The following GPR155 variants were observed in gnomAD, a reference collection of about 807,000 sequenced individuals.
GPR155 encodes the protein G protein-coupled receptor 155, also known as lysosomal cholesterol signaling protein.
Under a neutral mutation model 93.1 loss-of-function variants are expected in GPR155, and 65 were observed. That is an observed-to-expected ratio of 0.70 (90% CI 0.57 to 0.86). The LOEUF (loss-of-function observed/expected upper bound fraction) is 0.86. Ranked by LOEUF, GPR155 falls within the 40% of genes least tolerant of loss-of-function variation. GPR155 has a pLI of 0.00. For synonymous variants in GPR155, 319 were observed against 360.1 expected (o/e 0.89, Z 1.29); for missense variants, 838 against 1,034.8 (o/e 0.81, Z 2.61).
At chr2:174,436,972 T>G (rs1038488060) in intron 15 of GPR155, among the ~76,000 whole-genome samples, 2 of 152,204 alleles carry the variant, frequency 1.3e-5, no homozygotes, top group Non-Finnish European at 2.9e-5. Context: ...CCTACTGATA[T>G]GTTTGTCAGA....
intron 5 of GPR155, 135 bp from the exon 6 acceptor site, chr2:174,466,762 T>A: frequency 3.5e-6 from 2 of 564,380 alleles, no homozygotes; most frequent in East Asian, 3.1e-5. Flanking sequence ...TTTTATTTAA[T>A]CTGTCTAGTT....
intron 2 of GPR155, among the ~76,000 whole-genome samples, chr2:174,479,846 T>A (rs1277345480): frequency 6.6e-6 from 1 of 152,228 alleles, no homozygotes; most frequent in Non-Finnish European, 1.5e-5. Flanking sequence ...CTTTTGAAAT[T>A]CAATAACCTT....
At position 174,475,388 on chromosome 2, in the gene GPR155, TACTC is replaced by T. The variant is rs1472264658; in HGVS notation, c.461-2028_461-2025del. On this transcript the variant is annotated intron_variant, in intron 2 of 15. Transcript: ENST00000392552. ...AGGTAGGAAAATACACTTGTTTACTTACTCAGGATATGTAAGTTCAGTTAATGTC... is the reference window on the plus strand; with the variant it reads ...AGGTAGGAAAATACACTTGTTTACTTAGGATATGTAAGTTCAGTTAATGTC... Among the ~76,000 whole-genome samples the T allele has an allele frequency of 4.6e-5, 7 of 151,914 alleles. No individual in the cohort carries two copies. In the East Asian group the frequency reaches 1.2e-3, roughly 25 times the overall value.
At chr2:174,470,641 G>A (rs1687968944) in intron 3 of GPR155, 86 bp from the exon 4 acceptor site, 9 of 1,154,078 alleles carry the variant, frequency 7.8e-6, no homozygotes, top group Non-Finnish European at 1.1e-5. Flanking sequence ...TTTGGCATCA[G>A]GTTCTCCTGC....
At position 174,481,902 on chromosome 2, in the gene GPR155, T is replaced by G. The variant is rs139805062; in HGVS notation, c.55A>C (p.Thr19Pro). ...CCATGCGTTACTGCTGTAGGCAAAG[T>G]CTTGGTCATATTGACTGCAATGGTT... ...NLTIAVNMTKTLPTAVTHGFN... is the reference protein window; with the variant it reads ...NLTIAVNMTKPLPTAVTHGFN... Residue 19 changes from threonine to proline, a missense_variant, in exon 2 of 16, where the codon ACT becomes CCT. Thr to Pro is a conservative substitution (Grantham distance 38). This residue lies in a region of GPR155 where 663 missense variants were observed against 790.1 expected (regional missense o/e 0.84). Coordinates refer to ENST00000392552, the MANE Select transcript of GPR155 (RefSeq NM_152529.7). The G allele has an allele frequency of 1.9e-4, 311 of 1,614,044 alleles. No homozygotes were observed. The highest frequency in any genetic ancestry group is 2.5e-4 in the Non-Finnish European group (300 of 1,180,018).
rs1339617353 is a variant in GPR155 at position 174,474,250 on chromosome 2, G to A, written c.461-886C>T. ...AGAGCAGAGGGATGGTCTAGCAATG[G>A]TCCACAGTAGCTGTGGGGATGCCAG... On this transcript the variant is annotated intron_variant, in intron 2 of 15. Transcript: ENST00000392552. Among the ~76,000 whole-genome samples, 6 of 152,314 alleles carry A rather than the reference G, an allele frequency of 3.9e-5. No individual in the cohort carries two copies. The South Asian group carries it at 6.2e-4, about 16-fold the overall frequency.
chr2:174,481,990 G>A lies in GPR155; in HGVS notation c.-31-3C>T. On this transcript the variant is annotated splice_region_variant and splice_polypyrimidine_tract_variant and intron_variant, in intron 1 of 15. Coordinates refer to ENST00000392552, the MANE Select transcript of GPR155 (RefSeq NM_152529.7). Reference sequence around the variant, plus strand: ...ACCCTCCAACTCCAACCAGATCTCTGGAAAGAAAGGAAGAAAGATTCAGTA... The same window carrying A: ...ACCCTCCAACTCCAACCAGATCTCTAGAAAGAAAGGAAGAAAGATTCAGTA... The A allele has an allele frequency of 7.1e-7, 1 of 1,407,870 alleles. No homozygotes were observed. Among genetic ancestry groups the A allele is most frequent in the South Asian group, 1.2e-5 (1 of 80,256 alleles). The allele number at this position is 1,407,870 out of a possible 1,614,324, so 87.2% of individuals were successfully genotyped here.
intron 7 of GPR155, among the ~76,000 whole-genome samples, chr2:174,462,005 A>T (rs1172387994): frequency 6.7e-6 from 1 of 150,350 alleles, no homozygotes; most frequent in Non-Finnish European, 1.5e-5. Context: ...GTGTGATCAC[A>T]GCTCCCTGCA....
At chr2:174,484,712 T>G (rs1331650616) in intron 1 of GPR155, among the ~76,000 whole-genome samples, 6 of 152,212 alleles carry the variant, frequency 3.9e-5, no homozygotes, top group Non-Finnish European at 7.4e-5. Context: ...AGGTGGACTG[T>G]GTGAGCCCAG....
chr2:174,442,135 G>T lies in GPR155; in HGVS notation c.2158C>A (p.Leu720Met). 1 of 1,364,978 alleles carries T rather than the reference G, an allele frequency of 7.3e-7. No homozygotes were observed. The highest frequency in any genetic ancestry group is 1.2e-5 in the South Asian group (1 of 85,944). 84.6% of individuals were successfully genotyped at this position (1,364,978 alleles called of 1,614,324 possible). The change falls in exon 14 of 16, where the codon CTG becomes ATG. Residue 720 changes from leucine to methionine, a missense_variant. Around this residue, in one of 3 missense-constraint regions of GPR155, gnomAD observed 29 missense variants for 67.1 expected, o/e 0.43. Coordinates refer to ENST00000392552, the MANE Select transcript of GPR155 (RefSeq NM_152529.7). ...TTAATTTACCTTCTTTTGAAAGGCAGGATGATTAAATGTTTATCTAATCCA... is the reference window on the plus strand; with the variant it reads ...TTAATTTACCTTCTTTTGAAAGGCATGATGATTAAATGTTTATCTAATCCA... The part of the protein sequence containing the change: ...IFGLDKHLII[L>M]PFKRRLEFLW...
At chr2:174,466,361 T>TCC (rs1487136380) in intron 6 of GPR155, among the ~76,000 whole-genome samples, 183 bp downstream of exon 6, 10 of 152,178 alleles carry the variant, frequency 6.6e-5, no homozygotes, top group Non-Finnish European at 1.0e-4. Flanking sequence ...CTTTAGATAG[T>TCC]TTAAGACATT....
Position 174,436,002 on chromosome 2 carries a change from GAC to G in GPR155, c.*112_*113del, listed in dbSNP as rs1307122690. 1 of 755,442 alleles carries G rather than the reference GAC, an allele frequency of 1.3e-6. No homozygotes were observed. Among genetic ancestry groups the G allele is most frequent in the African/African-American group, 1.8e-5 (1 of 56,902 alleles). The allele number at this position is 755,442 out of a possible 1,614,324, so 46.8% of individuals were successfully genotyped here. A position where few individuals can be genotyped will look rare whatever the true frequency, so the allele number is the denominator to read the frequency against. ...ACATCTTTTCACATTTTACAGAAGA[GAC>G]AACTGAGGCTCAGAGAGGTTGCCTC... On this transcript the variant is annotated 3_prime_UTR_variant, in exon 16 of 16. Coordinates refer to ENST00000392552, the MANE Select transcript of GPR155 (RefSeq NM_152529.7).
In GPR155 at chr2:174,435,306, C is replaced by G. The variant is rs918119491; in HGVS notation, c.*810G>C. The G allele has an allele frequency of 2.6e-5, 4 of 152,224 alleles. No homozygotes were observed. The East Asian group carries it at 7.7e-4, about 29-fold the overall frequency. The allele number at this position is 152,224 out of a possible 1,614,324, so 9.4% of individuals were successfully genotyped here. A position where few individuals can be genotyped will look rare whatever the true frequency, so the allele number is the denominator to read the frequency against. On this transcript the variant is annotated 3_prime_UTR_variant, in exon 16 of 16. Coordinates refer to ENST00000392552, the MANE Select transcript of GPR155 (RefSeq NM_152529.7). The stretch of plus-strand genomic sequence containing the variant: ...TGCATCTGTAGTGAACATGTACAGA[C>G]TGTTTTTCTTATTGTTATTCCCTAA...
At chr2:174,485,372 G>A (rs1423724326) in intron 1 of GPR155, among the ~76,000 whole-genome samples, 4 of 152,126 alleles carry the variant, frequency 2.6e-5, no homozygotes, top group African/African-American at 9.7e-5. Context: ...CGAGGCGGGC[G>A]GATCACCTGA....
At chr2:174,445,391 C>T (rs922706782) in intron 12 of GPR155, 31 of 436,608 alleles carry the variant, frequency 7.1e-5, no homozygotes, top group South Asian at 7.0e-4. Flanking sequence ...CTATTCTGAT[C>T]AGATTTGAAG....
chr2:174,452,658 T>TC (rs989955611), intron 11 of GPR155, among the ~76,000 whole-genome samples: 4 of 152,002 alleles, frequency 2.6e-5, no homozygotes, highest in African/African-American at 4.8e-5. Flanking sequence ...ACTTTTTTTT[T>TC]CCCCCTAGAT....
chr2:174,481,696 G>T lies in GPR155; in HGVS notation c.261C>A (p.Phe87Leu). ...AAAAATTAAGTACAACCATGTTTTTGAATAATAAAGCTGGAAGTGCAAATC... is the reference window on the plus strand; with the variant it reads ...AAAAATTAAGTACAACCATGTTTTTTAATAATAAAGCTGGAAGTGCAAATC... ...VSRFALPALL[F>L]KNMVVLNFSN... is the part of the protein sequence containing the mutation. The change falls in exon 2 of 16, where the codon TTC becomes TTA. Residue 87 changes from phenylalanine to leucine, a missense_variant. Physicochemically the swap from Phe to Leu is conservative, Grantham distance 22. This residue lies in a region of GPR155 where 663 missense variants were observed against 790.1 expected (regional missense o/e 0.84). Coordinates refer to ENST00000392552, the MANE Select transcript of GPR155 (RefSeq NM_152529.7). The T allele has an allele frequency of 6.2e-7, 1 of 1,614,094 alleles. No homozygotes were observed. The highest frequency in any genetic ancestry group is 8.5e-7 in the Non-Finnish European group (1 of 1,179,938).
intron 10 of GPR155, among the ~76,000 whole-genome samples, chr2:174,455,298 G>A (rs763588451): frequency 1.4e-4 from 22 of 152,186 alleles, no homozygotes; most frequent in African/African-American, 5.1e-4. Context: ...CATGAGTGCC[G>A]AGTGCTGGAC....
intron 12 of GPR155, among the ~76,000 whole-genome samples, chr2:174,445,859 A>G (rs1687104684): frequency 6.6e-6 from 1 of 151,268 alleles, no homozygotes; most frequent in Admixed American, 6.6e-5. Context: ...TTTAAAGTTT[A>G]TCTGAGGAAT....
Sources: allele counts gnomAD v4.1 joint callset (sites outside exome capture counted in the v4.1 genomes callset), GRCh38; gene constraint gnomAD v4.1.1; regional missense constraint gnomAD v4.1.1; transcripts MANE v1.5; gene names NCBI Gene and HGNC (gene_info 2026-07-23, HGNC 2026-07-21).